The following LRP1B variants were observed in gnomAD, a reference collection of about 807,000 sequenced individuals.
LRP1B encodes low-density lipoprotein receptor-related protein 1B.
A neutral mutation model predicts 556.6 loss-of-function variants in LRP1B; 217 were observed. That is an observed-to-expected ratio of 0.39 (90% CI 0.35 to 0.44). The LOEUF (loss-of-function observed/expected upper bound fraction) is 0.44, where lower values mean the gene tolerates loss of function less well. LRP1B is among the 20% of genes least tolerant of loss of function. The pLI, the probability that LRP1B is intolerant of heterozygous loss-of-function variation, is 1.00. For missense variants in LRP1B, 5,053 were observed against 5,620.8 expected (o/e 0.90, Z 3.23); for synonymous variants, 2,047 against 1,865.8 (o/e 1.10, Z -2.50).
chr2:140,671,442 A>T (rs1685481634), intron 41 of LRP1B, among the ~76,000 whole-genome samples: 1 of 152,128 alleles, frequency 6.6e-6, no homozygotes, highest in Non-Finnish European at 1.5e-5. Flanking sequence ...AATGTCGTGA[A>T]TCCGAGAGGC....
intron 41 of LRP1B, among the ~76,000 whole-genome samples, chr2:140,655,415 C>T (rs1684843403): frequency 6.6e-6 from 1 of 152,024 alleles, no homozygotes; most frequent in Non-Finnish European, 1.5e-5. Context: ...CTCAATAATC[C>T]AAAATACCTC....
intron 11 of LRP1B, among the ~76,000 whole-genome samples, chr2:141,030,593 A>G (rs2105413152): frequency 6.6e-6 from 1 of 152,208 alleles, no homozygotes; most frequent in Admixed American, 6.5e-5. Context: ...ATAGGAGTGC[A>G]TTGCTATCCA....
Position 141,746,154 on chromosome 2 carries a change from G to A in LRP1B, c.205+64125C>T, listed in dbSNP as rs143448532. Among the ~76,000 whole-genome samples, 1,143 of 152,216 alleles carry A rather than the reference G, an allele frequency of 7.5e-3. 4 individuals are homozygous for A. Among genetic ancestry groups the A allele is most frequent in the Non-Finnish European group, 0.012 (842 of 67,992 alleles). On this transcript the variant is annotated intron_variant, in intron 2 of 90. Transcript: ENST00000389484. Reference sequence around the variant, plus strand: ...CACTCCCTTAGCCACCTCCATTTGTGTCTCAGTAGGTAGCGTGCCCCCAAG... The same window carrying A: ...CACTCCCTTAGCCACCTCCATTTGTATCTCAGTAGGTAGCGTGCCCCCAAG...
chr2:141,467,548 G>T (rs1364918985), intron 3 of LRP1B, among the ~76,000 whole-genome samples: 1 of 152,126 alleles, frequency 6.6e-6, no homozygotes, highest in African/African-American at 2.4e-5. Context: ...TTTGGTTTCA[G>T]TCCAGCCTGA....
intron 21 of LRP1B, among the ~76,000 whole-genome samples, chr2:140,922,305 C>T (rs954621036): frequency 4.5e-5 from 6 of 134,562 alleles, no homozygotes; most frequent in East Asian, 2.0e-4. Context: ...CACGCACACA[C>T]GCACACACAC....
intron 2 of LRP1B, among the ~76,000 whole-genome samples, chr2:141,591,114 C>T (rs754129861): frequency 9.9e-5 from 15 of 152,142 alleles, no homozygotes; most frequent in Non-Finnish European, 1.2e-4. Flanking sequence ...AGGCGATTAG[C>T]GAATTAACCT....
intron 32 of LRP1B, among the ~76,000 whole-genome samples, chr2:140,778,602 T>C (rs968660979): frequency 6.6e-6 from 1 of 152,290 alleles, no homozygotes; most frequent in South Asian, 2.1e-4. Context: ...TCATGCATAG[T>C]AAATGATTAA....
intron 3 of LRP1B, among the ~76,000 whole-genome samples, chr2:141,390,752 G>A (rs1690021237): frequency 1.3e-5 from 2 of 152,188 alleles, no homozygotes; most frequent in Non-Finnish European, 2.9e-5. Context: ...AGAGAAGGTG[G>A]ACTGGTAGTT....
intron 2 of LRP1B, among the ~76,000 whole-genome samples, chr2:141,489,993 G>T (rs765162493): frequency 6.6e-6 from 1 of 152,110 alleles, no homozygotes; most frequent in Admixed American, 6.6e-5. Flanking sequence ...ATGTTGTGAA[G>T]ATTCACAAAC....
rs1343162829 is a variant in LRP1B, at chr2:140,356,492, A to G, written c.11396-16T>C. 3 of 1,570,092 alleles carry G rather than the reference A, an allele frequency of 1.9e-6. No individual in the cohort carries two copies. The highest frequency in any genetic ancestry group is 2.7e-5 in the African/African-American group (2 of 72,848). On this transcript the variant is annotated splice_polypyrimidine_tract_variant and intron_variant, in intron 74 of 90. Coordinates refer to ENST00000389484, the MANE Select transcript of LRP1B (RefSeq NM_018557.3). ...TCAGTAGGAGCTGGGATTTAAAAAT[A>G]TGATCAAAACTAATATAATTCTAAT... is the stretch of plus-strand genomic sequence containing the variant.
intron 1 of LRP1B, among the ~76,000 whole-genome samples, chr2:141,833,650 A>G (rs1458853180): frequency 1.3e-5 from 2 of 151,874 alleles, no homozygotes. Flanking sequence ...TAAAATTACA[A>G]TGCACATTGC....
intron 10 of LRP1B, among the ~76,000 whole-genome samples, chr2:141,052,366 T>C (rs1272373417): frequency 6.6e-6 from 1 of 152,056 alleles, no homozygotes; most frequent in East Asian, 1.9e-4. Flanking sequence ...ATCTTGTATA[T>C]AAATTCTTTT....
chr2:140,486,428 T>C lies in LRP1B; in HGVS notation c.9244-904A>G, dbSNP rs575823238. On this transcript the variant is annotated intron_variant, in intron 58 of 90. Coordinates refer to ENST00000389484, the MANE Select transcript of LRP1B (RefSeq NM_018557.3). ...CCCACCACATTTCAAATTTGGAAAATTGGCATGGCTATTTAAATGAAAATC... is the reference window on the plus strand; with the variant it reads ...CCCACCACATTTCAAATTTGGAAAACTGGCATGGCTATTTAAATGAAAATC... Among the ~76,000 whole-genome samples, 8 of 152,032 alleles carry C rather than the reference T, an allele frequency of 5.3e-5. No individual in the cohort carries two copies. The South Asian group carries it at 1.2e-3, about 24-fold the overall frequency.
intron 1 of LRP1B, among the ~76,000 whole-genome samples, chr2:142,051,744 G>A (rs1437011944): frequency 6.6e-6 from 1 of 152,014 alleles, no homozygotes; most frequent in Non-Finnish European, 1.5e-5. Flanking sequence ...CAAAGTGCTG[G>A]GATCACAGGC....
At chr2:141,105,373 C>T (rs996500252) in intron 7 of LRP1B, among the ~76,000 whole-genome samples, 1 of 151,782 alleles carries the variant, frequency 6.6e-6, no homozygotes, top group African/African-American at 2.4e-5. Flanking sequence ...TCTAGAAATC[C>T]AGACACTTTA....
At chr2:141,279,331 G>T (rs1481157703) in intron 3 of LRP1B, among the ~76,000 whole-genome samples, 1 of 152,018 alleles carries the variant, frequency 6.6e-6, no homozygotes, top group Non-Finnish European at 1.5e-5. Flanking sequence ...CCATGATGCA[G>T]GTTGCAAAAT....
At chr2:140,764,073 C>A (rs755435124) in intron 35 of LRP1B, among the ~76,000 whole-genome samples, 38 of 152,146 alleles carry the variant, frequency 2.5e-4, no homozygotes, top group Non-Finnish European at 4.9e-4. Flanking sequence ...ATAAAGAATT[C>A]TTTCTATAAT....
intron 34 of LRP1B, among the ~76,000 whole-genome samples, chr2:140,770,655 C>T (rs1422478344): frequency 6.6e-6 from 1 of 151,950 alleles, no homozygotes; most frequent in Admixed American, 6.6e-5. Flanking sequence ...ACAGCAGTTG[C>T]TAAAATGACT....
At chr2:140,988,926 T>G (rs1697009780) in intron 17 of LRP1B, among the ~76,000 whole-genome samples, 1 of 152,142 alleles carries the variant, frequency 6.6e-6, no homozygotes, top group African/African-American at 2.4e-5. Context: ...TGATTAATAA[T>G]GACCTTTCTG....
Sources: allele counts gnomAD v4.1 joint callset (sites outside exome capture counted in the v4.1 genomes callset), GRCh38; gene constraint gnomAD v4.1.1; transcripts MANE v1.5; gene names NCBI Gene and HGNC (gene_info 2026-07-23, HGNC 2026-07-21).